Variants in TTLL1 observed in about 807,000 individuals in gnomAD.
TTLL1 encodes TTL family tubulin polyglutamylase complex subunit L1.
A neutral mutation model predicts 47.8 loss-of-function variants in TTLL1; 33 were observed. The observed-to-expected ratio is 0.69, with a 90% CI of 0.52 to 0.92. The LOEUF (loss-of-function observed/expected upper bound fraction) is 0.92, where lower values mean the gene tolerates loss of function less well. Ranked by LOEUF, TTLL1 falls within the 40% of genes least tolerant of loss-of-function variation. The pLI is 0.00. For missense variants in TTLL1, 488 were observed against 547.5 expected (o/e 0.89, Z 1.08); for synonymous variants, 225 against 214.1 (o/e 1.05, Z -0.45).
At chr22:43,070,961 G>A (rs2294412) in intron 3 of TTLL1, among the ~76,000 whole-genome samples, 32,041 of 152,004 alleles carry the variant, frequency 0.21, 4,982 homozygotes, top group East Asian at 0.69. Context: ...TGCCCAGGCC[G>A]GGGTGTCATG....
intron 3 of TTLL1, among the ~76,000 whole-genome samples, chr22:43,073,956 G>A (rs1291212902): frequency 6.6e-6 from 1 of 151,528 alleles, no homozygotes; most frequent in African/African-American, 2.4e-5. Context: ...CGAGTTCCTG[G>A]GATTACAGGC....
At chr22:43,071,320 C>T (rs1388033550) in intron 3 of TTLL1, among the ~76,000 whole-genome samples, 1 of 152,134 alleles carries the variant, frequency 6.6e-6, no homozygotes, top group Non-Finnish European at 1.5e-5. Context: ...TGATTCTTTC[C>T]CTTTATTTAT....
chr22:43,066,993 A>G (rs1448057643), intron 5 of TTLL1, among the ~76,000 whole-genome samples: 3 of 144,462 alleles, frequency 2.1e-5, no homozygotes, highest in Non-Finnish European at 4.5e-5. Context: ...ATCTCAAAAG[A>G]AAAAAAAAAA....
At chr22:43,069,876 A>C (rs1433183148) in intron 3 of TTLL1, 32 bp from the exon 4 acceptor site, 4 of 1,611,710 alleles carry the variant, frequency 2.5e-6, no homozygotes, top group Non-Finnish European at 3.4e-6. Flanking sequence ...GACACTTGGC[A>C]GTGATGTCTG....
At position 43,063,860 on chromosome 22, in the gene TTLL1, C is replaced by T. The variant is rs1927552711; in HGVS notation, c.700G>A (p.Asp234Asn). 2.5e-6 allele frequency: 4 copies of T among 1,614,092 alleles called. No homozygotes were observed. Among genetic ancestry groups the T allele is most frequent in the Non-Finnish European group, 3.4e-6 (4 of 1,179,976 alleles). ...TTGGTGAGATGAACGAACATGTTGTCCAGCTCACTGGTACTCGGGGTGTAT... is the reference window on the plus strand; with the variant it reads ...TTGGTGAGATGAACGAACATGTTGTTCAGCTCACTGGTACTCGGGGTGTAT... ...VKYTPSTSEL[D>N]NMFVHLTNVA... The change falls in exon 7 of 11, where the codon GAC becomes AAC. Residue 234 changes from aspartate to asparagine, a missense_variant. Coordinates refer to ENST00000266254, the MANE Select transcript of TTLL1 (RefSeq NM_012263.5).
In TTLL1 at chr22:43,067,631, C is replaced by T. The variant is rs561563937; in HGVS notation, c.503+779G>A. The stretch of plus-strand genomic sequence containing the variant: ...CACCGTGACGCCACGTGACAGATGA[C>T]GCACGCCTGTAAAAGCAAGCATGGG... On this transcript the variant is annotated intron_variant, in intron 5 of 10. Transcript: ENST00000266254. Among the ~76,000 whole-genome samples the T allele has an allele frequency of 3.3e-5, 5 of 152,192 alleles. No individual in the cohort carries two copies. In the South Asian group the frequency reaches 1.0e-3, roughly 32 times the overall value.
intron 10 of TTLL1, among the ~76,000 whole-genome samples, chr22:43,040,853 G>C (rs1344114729): frequency 1.3e-5 from 2 of 152,240 alleles, no homozygotes; most frequent in Non-Finnish European, 2.9e-5. Context: ...GTGTCTGGAA[G>C]AGCTGGATGC....
intron 5 of TTLL1, among the ~76,000 whole-genome samples, chr22:43,064,888 G>A (rs1190704679): frequency 6.6e-6 from 1 of 152,044 alleles, no homozygotes; most frequent in Non-Finnish European, 1.5e-5. Flanking sequence ...GCTCACGCCT[G>A]TAATCCCAGC....
chr22:43,070,318 G>A, intron 3 of TTLL1: 2 of 689,324 alleles, frequency 2.9e-6, no homozygotes, highest in East Asian at 6.9e-5. Flanking sequence ...TCTGCTGAAG[G>A]GGCAAGTTGG....
In TTLL1 at chr22:43,080,902, C is replaced by CTTTTTTTTTTTTTTTTTTTTTTTT. The variant is rs10529079; in HGVS notation, c.-89-940_-89-917dup. ...GTCACCTGTTCCCAGTGTTGCATGA[C>CTTTTTTTTTTTTTTTTTTTTTTTT]TTTTTTTTTTTTTTTTTTTTTTTTT... On this transcript the variant is annotated intron_variant, in intron 1 of 10. Coordinates refer to ENST00000266254, the MANE Select transcript of TTLL1 (RefSeq NM_012263.5). Among the ~76,000 whole-genome samples the CTTTTTTTTTTTTTTTTTTTTTTTT allele has an allele frequency of 5.8e-5, 4 of 69,302 alleles. 1 individual carries two copies. The highest frequency in any genetic ancestry group is 1.7e-4 in the African/African-American group (3 of 17,432). 45.5% of individuals were successfully genotyped at this position (69,302 alleles called of 152,430 possible). A position where few individuals can be genotyped will look rare whatever the true frequency, so the allele number is the denominator to read the frequency against.
chr22:43,083,161 T>A (rs768345850), intron 1 of TTLL1, among the ~76,000 whole-genome samples: 2 of 151,582 alleles, frequency 1.3e-5, no homozygotes, highest in Non-Finnish European at 2.9e-5. Context: ...GGTCAGGAGA[T>A]CAAGACCATC....
At chr22:43,078,649 C>G (rs1228105735) in intron 2 of TTLL1, among the ~76,000 whole-genome samples, 1 of 152,052 alleles carries the variant, frequency 6.6e-6, no homozygotes, top group Non-Finnish European at 1.5e-5. Context: ...GTGAACCTGG[C>G]CTTTGGCAGG....
At position 43,054,042 on chromosome 22, in the gene TTLL1, G is replaced by A. The variant is rs570264614; in HGVS notation, c.892-2155C>T. ...TCTGCAGAGCACTGTTCACACATAC[G>A]CCGTGACACTGGTGTCAGGGTCCCA... On this transcript the variant is annotated intron_variant, in intron 8 of 10. Coordinates refer to ENST00000266254, the MANE Select transcript of TTLL1 (RefSeq NM_012263.5). 7.2e-5 allele frequency among the ~76,000 whole-genome samples: 11 copies of A among 152,258 alleles called. 2 individuals carry two copies. The highest frequency in any genetic ancestry group is 6.2e-4 in the South Asian group (3 of 4,820).
chr22:43,078,223 C>T (rs1185987529), intron 2 of TTLL1, among the ~76,000 whole-genome samples: 3 of 152,088 alleles, frequency 2.0e-5, no homozygotes, highest in Non-Finnish European at 1.5e-5. Flanking sequence ...CAGCTGGGTG[C>T]AGTGGCTCAT....
At chr22:43,088,184 T>C (rs1929362356) in intron 1 of TTLL1, among the ~76,000 whole-genome samples, 1 of 151,924 alleles carries the variant, frequency 6.6e-6, no homozygotes, top group African/African-American at 2.4e-5. Context: ...ACAATGTCAG[T>C]GATGACTTCA....
chr22:43,073,351 ATTTATTTATTTAT>A (rs1928258642), intron 3 of TTLL1, among the ~76,000 whole-genome samples: 1 of 141,520 alleles, frequency 7.1e-6, no homozygotes, highest in African/African-American at 2.9e-5. Context: ...TTATTTATTT[ATTTATTTATTTAT>A]TTTATTTTTT....
At chr22:43,053,442 T>C (rs1478712228) in intron 8 of TTLL1, among the ~76,000 whole-genome samples, 2 of 152,234 alleles carry the variant, frequency 1.3e-5, no homozygotes, top group African/African-American at 2.4e-5. Context: ...CCCAGATTAC[T>C]GTCCCAGAAA....
At chr22:43,040,769 C>T (rs972410055) in intron 10 of TTLL1, among the ~76,000 whole-genome samples, 1 of 152,146 alleles carries the variant, frequency 6.6e-6, no homozygotes, top group Admixed American at 6.6e-5. Context: ...CTGCCTGTTT[C>T]CCAATTAACG....
At chr22:43,070,762 C>T (rs1283904327) in intron 3 of TTLL1, among the ~76,000 whole-genome samples, 1 of 152,170 alleles carries the variant, frequency 6.6e-6, no homozygotes, top group Non-Finnish European at 1.5e-5. Context: ...CCCCTCAGCA[C>T]TGGCATGTTC....
Sources: gnomAD v4.1 joint callset for allele counts (sites outside exome capture counted in the v4.1 genomes callset) on GRCh38, gnomAD v4.1.1 for gene constraint, MANE v1.5 for transcripts, NCBI Gene and HGNC (gene_info 2026-07-23, HGNC 2026-07-21) for gene names.